SH3PXD2A: variants seen among roughly 807,000 people sequenced by gnomAD.
The protein encoded by SH3PXD2A is SH3 and PX domains 2A.
A neutral mutation model predicts 115.2 loss-of-function variants in SH3PXD2A; 32 were observed. That is an observed-to-expected ratio of 0.28 (90% CI 0.21 to 0.37). The LOEUF is 0.37. SH3PXD2A is among the 10% of genes least tolerant of loss of function. SH3PXD2A has a pLI of 1.00. For missense variants in SH3PXD2A, 1,328 were observed against 1,498.7 expected (o/e 0.89, Z 1.88); for synonymous variants, 610 against 629.1 (o/e 0.97, Z 0.45).
intron 3 of SH3PXD2A, among the ~76,000 whole-genome samples, chr10:103,744,942 C>T (rs376178939): frequency 6.6e-5 from 10 of 152,218 alleles, no homozygotes; most frequent in African/African-American, 2.4e-4. Flanking sequence ...GGGAAACAAT[C>T]CCTCCTTCAT....
At position 103,599,304 on chromosome 10, in the gene SH3PXD2A, G is replaced by C. The variant is rs1461713581; in HGVS notation, c.*2512C>G. The C allele has an allele frequency of 6.6e-6, 1 of 152,360 alleles. No homozygotes were observed. Among genetic ancestry groups the C allele is most frequent in the Non-Finnish European group, 1.5e-5 (1 of 68,092 alleles). 9.4% of individuals were successfully genotyped at this position (152,360 alleles called of 1,614,324 possible). A position where few individuals can be genotyped will look rare whatever the true frequency, so the allele number is the denominator to read the frequency against. On this transcript the variant is annotated 3_prime_UTR_variant, in exon 15 of 15. Transcript: ENST00000369774. The stretch of plus-strand genomic sequence containing the variant: ...TGGGAGAATGTGGGGGGCAGTGCAG[G>C]TGGTGGGGAAGGGCAGGAAAGGCAG...
At chr10:103,631,578 TC>T (rs2036780421) in intron 8 of SH3PXD2A, among the ~76,000 whole-genome samples, 1 of 151,938 alleles carries the variant, frequency 6.6e-6, no homozygotes, top group Non-Finnish European at 1.5e-5. Context: ...TGATTGAAGG[TC>T]CCCCATCGTG....
intron 1 of SH3PXD2A, among the ~76,000 whole-genome samples, chr10:103,843,275 C>T (rs991304418): frequency 3.3e-5 from 5 of 152,208 alleles, no homozygotes; most frequent in Non-Finnish European, 7.3e-5. Context: ...GATGCTCTGC[C>T]CCTATCCTCT....
Position 103,602,201 on chromosome 10 carries a change from G to T in SH3PXD2A, c.3017C>A (p.Thr1006Asn). ...ALRRNESLTA[T>N]DGLRGVRRNS... ...CCGTCGGACGCCTCGGAGGCCATCA[G>T]TGGCCGTGAGTGACTCATTCCTCCG... Residue 1006 changes from threonine (T) to asparagine (N), a missense_variant, in exon 15 of 15, where the codon ACT becomes AAT. This residue lies in a region of SH3PXD2A where 574 missense variants were observed against 565.7 expected (regional missense o/e 1.01). Transcript: ENST00000369774. The T allele has an allele frequency of 6.3e-7, 1 of 1,584,770 alleles. No homozygotes were observed. The highest frequency in any genetic ancestry group is 1.2e-5 in the South Asian group (1 of 85,926).
chr10:103,770,161 C>T (rs1468559789), intron 2 of SH3PXD2A, among the ~76,000 whole-genome samples: 3 of 152,206 alleles, frequency 2.0e-5, no homozygotes, highest in Non-Finnish European at 4.4e-5. Flanking sequence ...TCAATACTTT[C>T]ACACTATATA....
intron 3 of SH3PXD2A, among the ~76,000 whole-genome samples, chr10:103,743,714 G>A (rs2038468916): frequency 1.3e-5 from 2 of 151,910 alleles, no homozygotes; most frequent in Non-Finnish European, 2.9e-5. Flanking sequence ...GACACCAAGA[G>A]GGTATGCCCT....
At chr10:103,677,678 A>G (rs1465896021) in intron 6 of SH3PXD2A, among the ~76,000 whole-genome samples, 1 of 152,218 alleles carries the variant, frequency 6.6e-6, no homozygotes, top group Non-Finnish European at 1.5e-5. Context: ...CGCATAGCGC[A>G]TAGTAGGTGC....
At chr10:103,741,079 G>A (rs888653624) in intron 3 of SH3PXD2A, among the ~76,000 whole-genome samples, 2 of 152,236 alleles carry the variant, frequency 1.3e-5, no homozygotes, top group African/African-American at 4.8e-5. Flanking sequence ...AATGTGAAGA[G>A]GGGTGCCTAG....
At chr10:103,732,908 G>A (rs1430616338) in intron 4 of SH3PXD2A, among the ~76,000 whole-genome samples, 2 of 152,202 alleles carry the variant, frequency 1.3e-5, no homozygotes, top group Non-Finnish European at 1.5e-5. Context: ...TGAGTGGTCT[G>A]TCTGGAGGCC....
At chr10:103,678,902 C>T (rs1230031362) in intron 6 of SH3PXD2A, among the ~76,000 whole-genome samples, 2 of 152,166 alleles carry the variant, frequency 1.3e-5, no homozygotes. Context: ...TTTTAAACTT[C>T]AATAATTTTA....
At chr10:103,810,367 G>T (rs111521270) in intron 1 of SH3PXD2A, among the ~76,000 whole-genome samples, 15 of 152,338 alleles carry the variant, frequency 9.8e-5, no homozygotes, top group African/African-American at 3.1e-4. Flanking sequence ...CAGCCCAGCA[G>T]GGGCAGTGGG....
At chr10:103,733,504 GC>G (rs1196679519) in intron 4 of SH3PXD2A, among the ~76,000 whole-genome samples, 1 of 152,194 alleles carries the variant, frequency 6.6e-6, no homozygotes, top group East Asian at 1.9e-4. Flanking sequence ...TCAGGCTACA[GC>G]CATCAATTTA....
intron 2 of SH3PXD2A, among the ~76,000 whole-genome samples, chr10:103,774,653 A>G (rs2038861164): frequency 6.6e-6 from 1 of 152,160 alleles, no homozygotes. Context: ...TTCTCTGAAA[A>G]GTGTTGATTT....
In SH3PXD2A at chr10:103,612,930, A is replaced by G. The variant is rs2036450147; in HGVS notation, c.1181T>C (p.Val394Ala). ...CAGCCTGGAGACAGTCCTGTCAGGAACGCCCACGGCACTGCCATTGGAGGC... is the reference window on the plus strand; with the variant it reads ...CAGCCTGGAGACAGTCCTGTCAGGAGCGCCCACGGCACTGCCATTGGAGGC... ...CNASNGSAVGVPDRTVSRLAQ... is the reference protein window; with the variant it reads ...CNASNGSAVGAPDRTVSRLAQ... The change falls in exon 12 of 15, where the codon GTT becomes GCT. Residue 394 changes from valine (V) to alanine (A), a missense_variant. By Grantham distance (64) the Val-to-Ala change is moderately conservative. Transcript: ENST00000369774. 2 of 1,613,564 alleles carry G rather than the reference A, an allele frequency of 1.2e-6. No individual in the cohort carries two copies. Among genetic ancestry groups the G allele is most frequent in the Middle Eastern group, 1.6e-4 (1 of 6,082 alleles).
chr10:103,843,829 TG>T (rs373492486), intron 1 of SH3PXD2A, among the ~76,000 whole-genome samples: 280 of 152,286 alleles, frequency 1.8e-3, no homozygotes, highest in African/African-American at 6.3e-3. Flanking sequence ...CTGCCAGTGA[TG>T]GGGCAAGATG....
chr10:103,801,824 C>T (rs1368998026), intron 1 of SH3PXD2A, among the ~76,000 whole-genome samples: 1 of 152,156 alleles, frequency 6.6e-6, no homozygotes, highest in Non-Finnish European at 1.5e-5. Context: ...CTGGCTCAGC[C>T]TCCCGAGTAG....
chr10:103,686,227 A>T (rs1027533872), intron 6 of SH3PXD2A, among the ~76,000 whole-genome samples: 12 of 152,356 alleles, frequency 7.9e-5, no homozygotes, highest in African/African-American at 2.9e-4. Flanking sequence ...ACTCTTGAGC[A>T]ACCTCATCTG....
chr10:103,745,998 C>T (rs943945925), intron 3 of SH3PXD2A: 3 of 152,304 alleles, frequency 2.0e-5, no homozygotes, highest in Admixed American at 6.5e-5. Context: ...GGGTTCACGA[C>T]AGAGTGAAGC....
intron 5 of SH3PXD2A, among the ~76,000 whole-genome samples, chr10:103,702,192 C>T (rs2037923064): frequency 6.6e-6 from 1 of 152,220 alleles, no homozygotes. Flanking sequence ...ATCATTCATC[C>T]ACCATCCATC....
Sources: gnomAD v4.1 joint callset for allele counts (sites outside exome capture counted in the v4.1 genomes callset) on GRCh38, gnomAD v4.1.1 for gene constraint, gnomAD v4.1.1 regional missense constraint, MANE v1.5 for transcripts, NCBI Gene and HGNC (gene_info 2026-07-23, HGNC 2026-07-21) for gene names.